RIMBP2: variants seen among roughly 807,000 people sequenced by gnomAD.
RIMBP2 encodes the protein RIMS-binding protein 2.
In RIMBP2, 48 loss-of-function variants were observed where a neutral mutation model predicts 118.6. The observed-to-expected ratio is 0.40, with a 90% CI of 0.32 to 0.51. The LOEUF (loss-of-function observed/expected upper bound fraction) is 0.51, where lower values mean the gene tolerates loss of function less well. RIMBP2 is among the 20% of genes least tolerant of loss of function. RIMBP2 has a pLI of 0.41. For missense variants in RIMBP2, 1,551 were observed against 1,768.3 expected (o/e 0.88, Z 2.20); for synonymous variants, 762 against 742.9 (o/e 1.03, Z -0.42).
At chr12:130,554,828 T>C (rs2056188337) in intron 2 of RIMBP2, among the ~76,000 whole-genome samples, 1 of 152,222 alleles carries the variant, frequency 6.6e-6, no homozygotes, top group South Asian at 2.1e-4. Context: ...TTCTACACAT[T>C]TTATAAACAT....
At chr12:130,567,500 T>C (rs1372570896) in intron 2 of RIMBP2, among the ~76,000 whole-genome samples, 5 of 152,086 alleles carry the variant, frequency 3.3e-5, no homozygotes, top group African/African-American at 1.2e-4. Context: ...TATCCCCCAC[T>C]CTGCCTGAAG....
intron 11 of RIMBP2, among the ~76,000 whole-genome samples, chr12:130,441,417 A>AATAATAATC: frequency 7.2e-6 from 1 of 139,130 alleles, no homozygotes; most frequent in Non-Finnish European, 1.5e-5. Context: ...TAATAATAAT[A>AATAATAATC]ATAATAATAA....
intron 2 of RIMBP2, among the ~76,000 whole-genome samples, chr12:130,521,731 C>T (rs925653362): frequency 2.0e-5 from 3 of 152,326 alleles, no homozygotes; most frequent in Middle Eastern, 3.4e-3. Context: ...CAGCTGTAGG[C>T]ACCACCCCCG....
intron 2 of RIMBP2, among the ~76,000 whole-genome samples, chr12:130,534,689 T>C (rs2053830139): frequency 6.6e-6 from 1 of 152,228 alleles, no homozygotes; most frequent in South Asian, 2.1e-4. Flanking sequence ...AGTTCACCCA[T>C]GTCATAGATT....
intron 1 of RIMBP2, among the ~76,000 whole-genome samples, chr12:130,664,457 G>GCA (rs1555320945): frequency 1.6e-5 from 1 of 61,028 alleles, no homozygotes; most frequent in African/African-American, 5.0e-5. Flanking sequence ...GCACACACAT[G>GCA]CACGCACACA....
intron 4 of RIMBP2, among the ~76,000 whole-genome samples, chr12:130,498,319 T>A (rs1295057218): frequency 6.6e-6 from 1 of 152,276 alleles, no homozygotes; most frequent in Non-Finnish European, 1.5e-5. Context: ...CACTCATTCA[T>A]GCGTGCACTT....
chr12:130,612,562 A>G (rs2060622513), intron 2 of RIMBP2, among the ~76,000 whole-genome samples: 1 of 152,240 alleles, frequency 6.6e-6, no homozygotes, highest in Admixed American at 6.5e-5. Flanking sequence ...AAGAGAGCAC[A>G]TTATGGGAAA....
At chr12:130,411,715 G>A (rs996820073) in intron 19 of RIMBP2, among the ~76,000 whole-genome samples, 2 of 152,076 alleles carry the variant, frequency 1.3e-5, no homozygotes, top group Non-Finnish European at 2.9e-5. Flanking sequence ...GGGGATAAAG[G>A]GCTCAAAGAT....
rs1230024174 is a variant in RIMBP2, at chr12:130,523,535, C to CA, written c.-216-5619dup. ...AGGAAGAAACTGGGTCTTCTGAAGA[C>CA]ACCCCCTTCCCCATCAGGAGCTCCA... On this transcript the variant is annotated intron_variant, in intron 2 of 22. Coordinates refer to ENST00000690449, the MANE Select transcript of RIMBP2 (RefSeq NM_001393629.1). The surrounding 1 kb of genome is among the most constrained non-coding windows in gnomAD (Gnocchi z 4.4). Among the ~76,000 whole-genome samples the CA allele has an allele frequency of 1.3e-5, 2 of 152,260 alleles. No homozygotes were observed. The highest frequency in any genetic ancestry group is 1.5e-5 in the Non-Finnish European group (1 of 68,044).
At chr12:130,526,006 G>A (rs1170461474) in intron 2 of RIMBP2, among the ~76,000 whole-genome samples, 1 of 152,010 alleles carries the variant, frequency 6.6e-6, no homozygotes, top group Non-Finnish European at 1.5e-5. Context: ...GCCCCAATTT[G>A]CCTCTTATTC....
chr12:130,690,263 C>G (rs542931149), intron 1 of RIMBP2, among the ~76,000 whole-genome samples: 1 of 152,244 alleles, frequency 6.6e-6, no homozygotes, highest in African/African-American at 2.4e-5. Context: ...GGGTGGGGAT[C>G]ATGGACACAG....
At chr12:130,524,049 C>T (rs1451854882) in intron 2 of RIMBP2, among the ~76,000 whole-genome samples, 1 of 152,168 alleles carries the variant, frequency 6.6e-6, no homozygotes, top group Admixed American at 6.5e-5. Flanking sequence ...TGCTTCCTCG[C>T]AGCCTCTGCT....
intron 4 of RIMBP2, among the ~76,000 whole-genome samples, chr12:130,488,506 C>T (rs773931009): frequency 5.1e-4 from 78 of 152,208 alleles, no homozygotes; most frequent in Non-Finnish European, 1.0e-3. Flanking sequence ...CACAAACACA[C>T]GGACATGCTA....
chr12:130,686,246 C>A (rs2065037124), intron 1 of RIMBP2, among the ~76,000 whole-genome samples: 1 of 152,220 alleles, frequency 6.6e-6, no homozygotes, highest in African/African-American at 2.4e-5. Context: ...AGGATTTCTT[C>A]TGTGGCCTCA....
intron 4 of RIMBP2, among the ~76,000 whole-genome samples, chr12:130,484,734 G>A (rs2082337505): frequency 6.6e-6 from 1 of 152,206 alleles, no homozygotes; most frequent in African/African-American, 2.4e-5. Context: ...GCCCACATCA[G>A]GGGCTGGCAG....
intron 2 of RIMBP2, among the ~76,000 whole-genome samples, chr12:130,603,415 G>C (rs964655810): frequency 4.6e-5 from 7 of 152,200 alleles, no homozygotes; most frequent in Non-Finnish European, 8.8e-5. Context: ...CATCATGGAA[G>C]AGTGGAAACA....
chr12:130,521,099 C>G (rs1232781634), intron 2 of RIMBP2, among the ~76,000 whole-genome samples: 14 of 152,180 alleles, frequency 9.2e-5, no homozygotes, highest in Admixed American at 9.2e-4. Flanking sequence ...GCCTACCTCT[C>G]ACCCTTCTGA....
At chr12:130,529,116 T>TACA (rs1431964559) in intron 2 of RIMBP2, among the ~76,000 whole-genome samples, 2 of 145,526 alleles carry the variant, frequency 1.4e-5, no homozygotes, top group African/African-American at 5.2e-5. Flanking sequence ...TTCTTCAGCC[T>TACA]ACAGAAGGAA....
At chr12:130,412,598 C>G (rs370443783) in intron 19 of RIMBP2, 21 bp downstream of exon 19, 1 of 1,607,250 alleles carries the variant, frequency 6.2e-7, no homozygotes. Flanking sequence ...CAGGGAAGGT[C>G]GAATAGGGGT....
Sources: gnomAD v4.1 joint callset for allele counts (sites outside exome capture counted in the v4.1 genomes callset) on GRCh38, gnomAD v4.1.1 for gene constraint, Gnocchi (gnomAD v3.1) non-coding constraint, MANE v1.5 for transcripts, NCBI Gene and HGNC (gene_info 2026-07-23, HGNC 2026-07-21) for gene names.